SDK1: variants seen among roughly 807,000 people sequenced by gnomAD.
SDK1 encodes protein sidekick-1.
A neutral mutation model predicts 245.5 loss-of-function variants in SDK1; 157 were observed. The observed-to-expected ratio is 0.64, with a 90% CI of 0.56 to 0.73. The LOEUF (loss-of-function observed/expected upper bound fraction) is 0.73. Ranked by LOEUF, SDK1 falls within the 30% of genes least tolerant of loss-of-function variation. SDK1 has a pLI of 0.00. For missense variants in SDK1, 3,583 were observed against 3,002.3 expected (o/e 1.19, Z -4.52); for synonymous variants, 1,647 against 1,278.5 (o/e 1.29, Z -6.15).
At position 4,221,374 on chromosome 7, in the gene SDK1, C is replaced by T. The variant is rs371539157; in HGVS notation, c.5827+10C>T. 1 of 1,598,818 alleles carries T rather than the reference C, an allele frequency of 6.3e-7. No homozygotes were observed. The highest frequency in any genetic ancestry group is 8.5e-7 in the Non-Finnish European group (1 of 1,173,464). On this transcript the variant is annotated intron_variant, in intron 40 of 44. Coordinates refer to ENST00000404826, the MANE Select transcript of SDK1 (RefSeq NM_152744.4). Reference sequence around the variant, plus strand: ...GAGGCCCGGCCCTCAGGTAGGGTGGCAGGCCCCACAAACGGGGTCTCAGCC... The same window carrying T: ...GAGGCCCGGCCCTCAGGTAGGGTGGTAGGCCCCACAAACGGGGTCTCAGCC...
At chr7:3,850,502 A>T (rs1013515515) in intron 5 of SDK1, among the ~76,000 whole-genome samples, 1 of 152,212 alleles carries the variant, frequency 6.6e-6, no homozygotes, top group African/African-American at 2.4e-5. Context: ...CTATCCCATT[A>T]CTGGGTATAT....
chr7:3,769,192 T>G (rs1048429269), intron 4 of SDK1, among the ~76,000 whole-genome samples: 21 of 152,206 alleles, frequency 1.4e-4, no homozygotes, highest in Admixed American at 1.4e-3. Flanking sequence ...CTTTGTCCAT[T>G]TCCTGTTGCT....
chr7:3,635,532 C>T (rs1400526705), intron 2 of SDK1, among the ~76,000 whole-genome samples: 1 of 152,162 alleles, frequency 6.6e-6, no homozygotes, highest in East Asian at 1.9e-4. Context: ...GCGTAGCATA[C>T]ACTTTGTCTT....
intron 2 of SDK1, among the ~76,000 whole-genome samples, chr7:3,626,776 T>G (rs1017276793): frequency 4.6e-5 from 7 of 152,198 alleles, no homozygotes; most frequent in African/African-American, 1.7e-4. Flanking sequence ...TAGGATGAAT[T>G]AGAGTCAAAT....
intron 1 of SDK1, among the ~76,000 whole-genome samples, chr7:3,482,175 G>T (rs993207564): frequency 1.3e-5 from 2 of 152,096 alleles, no homozygotes; most frequent in East Asian, 3.8e-4. Context: ...TCTATTCATC[G>T]ATCAGATACC....
chr7:3,716,114 C>CAA lies in SDK1; in HGVS notation c.713+74024_713+74025dup, dbSNP rs34348813. On this transcript the variant is annotated intron_variant, in intron 4 of 44. Coordinates refer to ENST00000404826, the MANE Select transcript of SDK1 (RefSeq NM_152744.4). ...TCTGACCAACAATGAAAAAGGTAGA[C>CAA]AAAAAAAAAAAAAAAATGAACAGAG... Among the ~76,000 whole-genome samples, 128 of 82,122 alleles carry CAA rather than the reference C, an allele frequency of 1.6e-3. 1 individual carries two copies. The highest frequency in any genetic ancestry group is 4.7e-3 in the African/African-American group (115 of 24,728). The allele number at this position is 82,122 out of a possible 152,430, so 53.9% of individuals were successfully genotyped here.
chr7:3,511,439 A>C (rs1045905962), intron 1 of SDK1, among the ~76,000 whole-genome samples: 1 of 152,216 alleles, frequency 6.6e-6, no homozygotes, highest in Non-Finnish European at 1.5e-5. Flanking sequence ...TTGATTATTT[A>C]GGTCATTTTA....
At chr7:3,453,505 G>C (rs886693616) in intron 1 of SDK1, among the ~76,000 whole-genome samples, 8 of 152,146 alleles carry the variant, frequency 5.3e-5, no homozygotes, top group South Asian at 2.1e-4. Context: ...ATATCCATAT[G>C]AGAGAGAGAC....
intron 4 of SDK1, among the ~76,000 whole-genome samples, chr7:3,644,957 C>G (rs528550428): frequency 6.6e-6 from 1 of 151,034 alleles, no homozygotes; most frequent in East Asian, 1.9e-4. Context: ...TTGAATTAGG[C>G]TTTCCTCTCA....
chr7:3,645,781 C>T (rs1188314261), intron 4 of SDK1, among the ~76,000 whole-genome samples: 1 of 152,018 alleles, frequency 6.6e-6, no homozygotes, highest in Middle Eastern at 3.2e-3. Context: ...CACAGAGATG[C>T]CATTTAAAAA....
intron 1 of SDK1, among the ~76,000 whole-genome samples, chr7:3,425,953 C>A (rs1462275884): frequency 6.6e-6 from 1 of 152,216 alleles, no homozygotes; most frequent in Non-Finnish European, 1.5e-5. Flanking sequence ...TTCATCTACA[C>A]TATCTTCCCC....
In SDK1 at chr7:3,521,710, A is replaced by G. The variant is rs188662542; in HGVS notation, c.299-97370A>G. Among the ~76,000 whole-genome samples the G allele has an allele frequency of 9.1e-4, 138 of 152,328 alleles. 1 individual carries two copies. The highest frequency in any genetic ancestry group is 3.4e-3 in the Middle Eastern group (1 of 294). On this transcript the variant is annotated intron_variant, in intron 1 of 44. Coordinates refer to ENST00000404826, the MANE Select transcript of SDK1 (RefSeq NM_152744.4). Reference sequence around the variant, plus strand: ...CAGAAGTGGGGGAAGAACTTGATCAACTTGAACAAATAGGATGTAGGATTG... The same window carrying G: ...CAGAAGTGGGGGAAGAACTTGATCAGCTTGAACAAATAGGATGTAGGATTG...
At chr7:3,864,528 GT>G (rs1176479704) in intron 5 of SDK1, among the ~76,000 whole-genome samples, 1 of 151,590 alleles carries the variant, frequency 6.6e-6, no homozygotes, top group Non-Finnish European at 1.5e-5. Flanking sequence ...TATTAGAGAT[GT>G]GGCTAATATC....
intron 13 of SDK1, among the ~76,000 whole-genome samples, chr7:3,975,899 C>G (rs963684550): frequency 2.0e-5 from 3 of 148,666 alleles, no homozygotes; most frequent in South Asian, 4.2e-4. Flanking sequence ...AGCTGCAAAG[C>G]TGCCACGTAG....
chr7:3,762,523 A>G (rs777746451), intron 4 of SDK1, among the ~76,000 whole-genome samples: 3 of 152,228 alleles, frequency 2.0e-5, no homozygotes, highest in Admixed American at 6.5e-5. Flanking sequence ...TGCAAATGCA[A>G]TTACTGAGTA....
chr7:3,657,321 C>T (rs934233480), intron 4 of SDK1, among the ~76,000 whole-genome samples: 5 of 152,168 alleles, frequency 3.3e-5, no homozygotes, highest in Admixed American at 3.3e-4. Context: ...GGTGCTGTCA[C>T]AGTTGGCACC....
intron 5 of SDK1, among the ~76,000 whole-genome samples, chr7:3,850,592 G>A (rs1478513850): frequency 6.6e-6 from 1 of 152,118 alleles, no homozygotes; most frequent in Non-Finnish European, 1.5e-5. Context: ...CAATAGCAAA[G>A]ACTTGGAACC....
At chr7:3,891,019 C>T (rs1035827363) in intron 5 of SDK1, among the ~76,000 whole-genome samples, 1 of 152,202 alleles carries the variant, frequency 6.6e-6, no homozygotes, top group African/African-American at 2.4e-5. Context: ...TAGCTGGGCT[C>T]TATGTGTTTT....
At chr7:3,882,569 G>A (rs1296049477) in intron 5 of SDK1, among the ~76,000 whole-genome samples, 1 of 152,206 alleles carries the variant, frequency 6.6e-6, no homozygotes, top group African/African-American at 2.4e-5. Context: ...GACCTAGTCT[G>A]GGATGAAATT....
Sources: gnomAD v4.1 joint callset for allele counts (sites outside exome capture counted in the v4.1 genomes callset) on GRCh38, gnomAD v4.1.1 for gene constraint, MANE v1.5 for transcripts, NCBI Gene and HGNC (gene_info 2026-07-23, HGNC 2026-07-21) for gene names.